GPC5: variants seen among roughly 807,000 people sequenced by gnomAD.
GPC5 encodes the protein glypican 5.
In GPC5, 47 loss-of-function variants were observed where a neutral mutation model predicts 53.9. That is an observed-to-expected ratio of 0.87 (90% CI 0.69 to 1.11). The LOEUF (loss-of-function observed/expected upper bound fraction) is 1.11. Among genes scored for constraint, GPC5 ranks in the 50% most tolerant of loss-of-function variants. GPC5 has a pLI of 0.00. For synonymous variants in GPC5, 286 were observed against 263.3 expected, an observed-to-expected ratio of 1.09 and a Z score of -0.84; for missense variants, 748 against 713.1, an observed-to-expected ratio of 1.05 and a Z score of -0.56.
chr13:91,406,462 AT>A (rs1877330916), intron 1 of GPC5, among the ~76,000 whole-genome samples: 1 of 152,188 alleles, frequency 6.6e-6, no homozygotes, highest in Non-Finnish European at 1.5e-5. Context: ...CCCAACTCCG[AT>A]TTTTATACAT....
chr13:91,991,790 T>A (rs2040458855), intron 6 of GPC5, among the ~76,000 whole-genome samples: 2 of 152,204 alleles, frequency 1.3e-5, no homozygotes, highest in Admixed American at 6.6e-5. Context: ...CTTCATGCTC[T>A]GTGACTGGAA....
At chr13:92,338,557 A>C (rs954119404) in intron 7 of GPC5, among the ~76,000 whole-genome samples, 1 of 152,118 alleles carries the variant, frequency 6.6e-6, no homozygotes, top group African/African-American at 2.4e-5. Flanking sequence ...ATGGAATATT[A>C]TTCAGCACTG....
At chr13:92,666,549 C>T (rs547167785) in intron 7 of GPC5, among the ~76,000 whole-genome samples, 2 of 152,234 alleles carry the variant, frequency 1.3e-5, no homozygotes, top group East Asian at 3.9e-4. Flanking sequence ...TCAATTCTGA[C>T]AAATGTTCTA....
chr13:92,016,085 A>C (rs1214440425), intron 6 of GPC5, among the ~76,000 whole-genome samples: 1 of 152,196 alleles, frequency 6.6e-6, no homozygotes, highest in Non-Finnish European at 1.5e-5. Flanking sequence ...TAATTAGTAC[A>C]TGACCACATT....
intron 6 of GPC5, among the ~76,000 whole-genome samples, chr13:91,959,601 T>G (rs897889167): frequency 1.3e-5 from 2 of 151,938 alleles, no homozygotes; most frequent in African/African-American, 4.8e-5. Context: ...AAAGAAAAAC[T>G]ACAGGCCAAT....
chr13:91,698,779 C>G (rs1163941634), intron 3 of GPC5, among the ~76,000 whole-genome samples: 1 of 152,140 alleles, frequency 6.6e-6, no homozygotes, highest in Non-Finnish European at 1.5e-5. Flanking sequence ...ATGACATTTG[C>G]TTAGCGTCAG....
At chr13:92,356,976 T>A (rs2043527639) in intron 7 of GPC5, among the ~76,000 whole-genome samples, 1 of 152,078 alleles carries the variant, frequency 6.6e-6, no homozygotes, top group South Asian at 2.1e-4. Flanking sequence ...AATTTGGTTT[T>A]CTACTCCTGC....
At chr13:91,484,859 G>A (rs1182321860) in intron 2 of GPC5, among the ~76,000 whole-genome samples, 1 of 152,228 alleles carries the variant, frequency 6.6e-6, no homozygotes, top group Non-Finnish European at 1.5e-5. Flanking sequence ...TATCCTAGAT[G>A]ATTTTGGATA....
intron 1 of GPC5, among the ~76,000 whole-genome samples, chr13:91,427,871 T>C (rs1879164159): frequency 6.6e-6 from 1 of 152,030 alleles, no homozygotes; most frequent in Non-Finnish European, 1.5e-5. Flanking sequence ...TGATAGTGAG[T>C]GAATTCTCAC....
chr13:92,206,581 A>C (rs2042339545), intron 7 of GPC5, among the ~76,000 whole-genome samples: 1 of 152,094 alleles, frequency 6.6e-6, no homozygotes, highest in Non-Finnish European at 1.5e-5. Flanking sequence ...GAAATTATTG[A>C]ATAGTTAGAT....
In GPC5 at chr13:91,832,251, T is replaced by C. The variant is rs1307286501; in HGVS notation, c.1281-75686T>C. On this transcript the variant is annotated intron_variant, in intron 5 of 7. Coordinates refer to ENST00000377067, the MANE Select transcript of GPC5 (RefSeq NM_004466.6). ...TCTTCTTTGTCTCTTTTAATCTTTG[T>C]TGGTTTAAAGTCTTATCAGAGGCTA... Among the ~76,000 whole-genome samples the C allele has an allele frequency of 2.6e-5, 4 of 151,990 alleles. No homozygotes were observed. The East Asian group carries it at 7.7e-4, about 29-fold the overall frequency.
chr13:92,152,761 G>A (rs2041916548), intron 7 of GPC5, among the ~76,000 whole-genome samples: 1 of 151,014 alleles, frequency 6.6e-6, no homozygotes, highest in South Asian at 2.1e-4. Context: ...AAAAAAATTG[G>A]GCAAAGTACA....
intron 6 of GPC5, among the ~76,000 whole-genome samples, chr13:92,016,370 C>A (rs1536375): frequency 6.6e-6 from 1 of 152,106 alleles, no homozygotes; most frequent in Admixed American, 6.5e-5. Context: ...GGAAGCTTTT[C>A]GGAATGAATC....
chr13:91,767,777 G>C (rs142584416), intron 5 of GPC5, among the ~76,000 whole-genome samples: 276 of 152,276 alleles, frequency 1.8e-3, no homozygotes, highest in Middle Eastern at 0.01. Context: ...AAGATAGCAA[G>C]ATAAAAGTTC....
intron 7 of GPC5, among the ~76,000 whole-genome samples, chr13:92,270,018 G>A (rs2042829207): frequency 2.6e-5 from 4 of 152,112 alleles, no homozygotes; most frequent in Admixed American, 2.6e-4. Flanking sequence ...TCTGATCCCA[G>A]CAAGCTCACA....
At chr13:92,385,519 C>T (rs1239139130) in intron 7 of GPC5, among the ~76,000 whole-genome samples, 1 of 74,180 alleles carries the variant, frequency 1.3e-5, no homozygotes, top group Non-Finnish European at 2.3e-5. Flanking sequence ...TATATACATA[C>T]ATATGCATAT....
At chr13:92,419,650 A>G (rs1039599649) in intron 7 of GPC5, among the ~76,000 whole-genome samples, 1 of 152,224 alleles carries the variant, frequency 6.6e-6, no homozygotes, top group Non-Finnish European at 1.5e-5. Context: ...TTTGACAATT[A>G]TTGAAAATGG....
rs568678316 is a variant in GPC5 at position 92,102,796 on chromosome 13, C to G, written c.1402-42034C>G. On this transcript the variant is annotated intron_variant, in intron 6 of 7. Coordinates refer to ENST00000377067, the MANE Select transcript of GPC5 (RefSeq NM_004466.6). ...CATGGTCTGTACCTCAGCACTTTCTCTTTCTTGTAAAGGATAAAGCCAAGG... is the reference window on the plus strand; with the variant it reads ...CATGGTCTGTACCTCAGCACTTTCTGTTTCTTGTAAAGGATAAAGCCAAGG... 5.9e-5 allele frequency among the ~76,000 whole-genome samples: 9 copies of G among 152,252 alleles called. 1 individual carries two copies. Among genetic ancestry groups the G allele is most frequent in the African/African-American group, 2.2e-4 (9 of 41,530 alleles).
chr13:92,311,631 C>G (rs1015923514), intron 7 of GPC5, among the ~76,000 whole-genome samples: 14 of 152,214 alleles, frequency 9.2e-5, no homozygotes, highest in African/African-American at 3.4e-4. Context: ...TGGCAGCAGC[C>G]AAGAGAGTGT....
Sources: gnomAD v4.1 joint callset for allele counts (sites outside exome capture counted in the v4.1 genomes callset) on GRCh38, gnomAD v4.1.1 for gene constraint, MANE v1.5 for transcripts, NCBI Gene and HGNC (gene_info 2026-07-23, HGNC 2026-07-21) for gene names.